The following LIMS2 variants were observed in gnomAD, a reference collection of about 807,000 sequenced individuals.
The protein encoded by LIMS2 is LIM zinc finger domain containing 2.
A neutral mutation model predicts 45.3 loss-of-function variants in LIMS2; 30 were observed. That is an observed-to-expected ratio of 0.66 (90% CI 0.50 to 0.90). The LOEUF (loss-of-function observed/expected upper bound fraction) is 0.90, where lower values mean the gene tolerates loss of function less well. Among genes scored for constraint, LIMS2 ranks in the 40% least tolerant of loss-of-function variants. The probability of loss-of-function intolerance (pLI) is 0.00; values close to 1 mark genes in which losing one functional copy is unlikely to be tolerated. For synonymous variants in LIMS2, 173 were observed against 188.0 expected (o/e 0.92, Z 0.65); for missense variants, 485 against 468.7 (o/e 1.03, Z -0.32).
upstream of LIMS2, among the ~76,000 whole-genome samples, chr2:127,675,987 G>A (rs1685489836): frequency 6.6e-6 from 1 of 152,268 alleles, no homozygotes. Context: ...GCACGCCTCT[G>A]TATAATGAAG....
chr2:127,655,285 T>C (rs942516183), intron 2 of LIMS2: 5 of 273,606 alleles, frequency 1.8e-5, no homozygotes, highest in African/African-American at 1.1e-4. Context: ...TCTGTGGGAG[T>C]ATCCAGCTCT....
rs969310298 is a variant in LIMS2, at chr2:127,664,544, C to G, written c.12-6982G>C. 2 of 1,150,730 alleles carry G rather than the reference C, an allele frequency of 1.7e-6. No individual in the cohort carries two copies. The highest frequency in any genetic ancestry group is 4.7e-5 in the Admixed American group (1 of 21,136). 71.3% of individuals were successfully genotyped at this position (1,150,730 alleles called of 1,614,324 possible). On this transcript the variant is annotated intron_variant, in intron 1 of 9. Coordinates refer to ENST00000355119, the MANE Select transcript of LIMS2 (RefSeq NM_001161403.3). The surrounding 1 kb of genome is among the most constrained non-coding windows in gnomAD (Gnocchi z 5.5). ...CCGCGCTGGTCGCGAGCTCACGTTA[C>G]GCGCTGGGATCTCCAAAGGGCAGCA...
chr2:127,654,680 G>A (rs964162269), intron 3 of LIMS2, 136 bp from the exon 4 acceptor site: 2 of 1,494,898 alleles, frequency 1.3e-6, no homozygotes, highest in South Asian at 1.2e-5. Flanking sequence ...GGTGATGCCT[G>A]TAGGGGGCCT....
intron 1 of LIMS2, among the ~76,000 whole-genome samples, chr2:127,663,623 C>T (rs560027580): frequency 2.0e-5 from 3 of 149,390 alleles, no homozygotes; most frequent in East Asian, 4.1e-4. Context: ...TGGCTCCCTC[C>T]CTGCCCCCCC....
intron 1 of LIMS2, among the ~76,000 whole-genome samples, chr2:127,673,494 C>T (rs59036132): frequency 1.3e-5 from 2 of 152,296 alleles, no homozygotes; most frequent in African/African-American, 4.8e-5. Context: ...GCCTTCCCAG[C>T]GGTTCCGGCC....
At chr2:127,668,697 A>AAC (rs1685141840) in intron 1 of LIMS2, among the ~76,000 whole-genome samples, 2 of 85,764 alleles carry the variant, frequency 2.3e-5, no homozygotes, top group Non-Finnish European at 5.2e-5. Context: ...AAAAAAAAAA[A>AAC]AAAAAAAAAA....
At position 127,675,371 on chromosome 2, in the gene LIMS2, AG is replaced by A. The variant is rs1390288954; in HGVS notation, c.-348del. On this transcript the variant is annotated 5_prime_UTR_variant, in exon 1 of 10. Transcript: ENST00000355119. ...AAGGTGGGGCTGACGGTGGGGTTGGAGGGGTGAGAGTGAGGCGGGGGTGGGA... is the reference window on the plus strand; with the variant it reads ...AAGGTGGGGCTGACGGTGGGGTTGGAGGGTGAGAGTGAGGCGGGGGTGGGA... 4 of 17,474 alleles carry A rather than the reference AG, an allele frequency of 2.3e-4. No homozygotes were observed. The highest frequency in any genetic ancestry group is 9.1e-4 in the African/African-American group (4 of 4,394). The allele number at this position is 17,474 out of a possible 1,614,324, so 1.1% of individuals were successfully genotyped here.
At position 127,667,470 on chromosome 2, in the gene LIMS2, T is replaced by TA. The variant is rs1685065795; in HGVS notation, c.11+7543dup. ...TGTCCTCGATAAAATACAATAAATC[T>TA]AACACTCTATAAAAAGTATTATACA... is the stretch of plus-strand genomic sequence containing the variant. On this transcript the variant is annotated intron_variant, in intron 1 of 9. Transcript: ENST00000355119. This position sits in a 1 kb window ranked among gnomAD's most constrained non-coding sequence, Gnocchi z 4.1. Among the ~76,000 whole-genome samples, 1 of 152,176 alleles carries TA rather than the reference T, an allele frequency of 6.6e-6. No homozygotes were observed. The highest frequency in any genetic ancestry group is 1.5e-5 in the Non-Finnish European group (1 of 68,038).
At chr2:127,663,411 G>A (rs147159097) in intron 1 of LIMS2, among the ~76,000 whole-genome samples, 129 of 152,290 alleles carry the variant, frequency 8.5e-4, no homozygotes, top group Admixed American at 1.7e-3. Context: ...TGCAGTTCCC[G>A]CCCTCCACTC....
rs746848269 is a variant in LIMS2 at position 127,657,581 on chromosome 2, A to T, written c.12-19T>A. On this transcript the variant is annotated intron_variant, in intron 1 of 9. Coordinates refer to ENST00000355119, the MANE Select transcript of LIMS2 (RefSeq NM_001161403.3). ...CATATTGCTGGGGGCAGGAGACAGG[A>T]GGAGTGAGTCAGAGCTGGTCAGGGG... The T allele has an allele frequency of 6.3e-7, 1 of 1,583,476 alleles. No homozygotes were observed.
rs780883572 is a variant in LIMS2, at chr2:127,657,442, G to C, written c.132C>G (p.Ala44=). ...ELYHEHCFVC[A]QCFRPFPEGL... is the part of the protein sequence containing the mutation. ...CCTCGGGGAAGGGCCGGAAGCACTG[G>C]GCACACACGAAGCAGTGCTCATGGT... The change falls in exon 2 of 10, where the codon GCC becomes GCG. Residue 44 remains alanine (A), a synonymous_variant. Coordinates refer to ENST00000355119, the MANE Select transcript of LIMS2 (RefSeq NM_001161403.3). The C allele has an allele frequency of 6.2e-6, 10 of 1,613,766 alleles. No homozygotes were observed. Among genetic ancestry groups the C allele is most frequent in the Non-Finnish European group, 7.6e-6 (9 of 1,180,010 alleles).
upstream of LIMS2, among the ~76,000 whole-genome samples, chr2:127,676,119 A>G (rs55885920): frequency 6.6e-6 from 1 of 152,252 alleles, no homozygotes; most frequent in Non-Finnish European, 1.5e-5. Flanking sequence ...CTAAAGGCAG[A>G]TATTTCCAGC....
At chr2:127,649,169 A>AAGGT (rs1683410947) in intron 4 of LIMS2, among the ~76,000 whole-genome samples, 1 of 85,162 alleles carries the variant, frequency 1.2e-5, no homozygotes, top group African/African-American at 6.6e-5. Flanking sequence ...GGAAGGTAGG[A>AAGGT]AGGAAGGAAG....
At chr2:127,660,594 G>A (rs190812619) in intron 1 of LIMS2, among the ~76,000 whole-genome samples, 21 of 152,274 alleles carry the variant, frequency 1.4e-4, no homozygotes, top group South Asian at 8.3e-4. Context: ...CAACCCCACC[G>A]GAAGGAAGAA....
chr2:127,644,514 C>T (rs1682756402), intron 4 of LIMS2, among the ~76,000 whole-genome samples: 1 of 152,196 alleles, frequency 6.6e-6, no homozygotes, highest in Admixed American at 6.5e-5. Flanking sequence ...CCACCTGGCG[C>T]CTATGGCGGC....
chr2:127,661,907 G>T (rs1400124773), intron 1 of LIMS2, among the ~76,000 whole-genome samples: 1 of 152,164 alleles, frequency 6.6e-6, no homozygotes, highest in Non-Finnish European at 1.5e-5. Flanking sequence ...TCTCCTCTTG[G>T]CATCCCCCAT....
In LIMS2 at chr2:127,639,182, G is replaced by T; in HGVS notation, c.*99C>A. On this transcript the variant is annotated 3_prime_UTR_variant, in exon 10 of 10. Transcript: ENST00000355119. ...ATGAGGAAAGAGAAAGGGAGGGTAA[G>T]ATGCGGAGGGCACAGGTGGATGGGG... 7.9e-7 allele frequency: 1 copy of T among 1,266,014 alleles called. No homozygotes were observed. The highest frequency in any genetic ancestry group is 1.1e-6 in the Non-Finnish European group (1 of 900,074). The allele number at this position is 1,266,014 out of a possible 1,614,324, so 78.4% of individuals were successfully genotyped here. A position where few individuals can be genotyped will look rare whatever the true frequency, so the allele number is the denominator to read the frequency against.
chr2:127,670,771 GCAGAGGCAGAGACGGA>G (rs932903996), intron 1 of LIMS2, among the ~76,000 whole-genome samples: 1 of 152,242 alleles, frequency 6.6e-6, no homozygotes, highest in African/African-American at 2.4e-5. Flanking sequence ...AGCCCAGTGG[GCAGAGGCAGAGACGGA>G]CAGAGGCAGA....
intron 1 of LIMS2, among the ~76,000 whole-genome samples, chr2:127,662,825 G>A (rs2105324034): frequency 6.6e-6 from 1 of 152,174 alleles, no homozygotes; most frequent in Admixed American, 6.5e-5. Flanking sequence ...AAATTAACAT[G>A]CTGCCTGGGC....
Sources: gnomAD v4.1 joint callset for allele counts (sites outside exome capture counted in the v4.1 genomes callset) on GRCh38, gnomAD v4.1.1 for gene constraint, Gnocchi (gnomAD v3.1) non-coding constraint, MANE v1.5 for transcripts, NCBI Gene and HGNC (gene_info 2026-07-23, HGNC 2026-07-21) for gene names.